Variants in NTN5 observed in about 807,000 individuals in gnomAD.
NTN5 encodes the protein netrin 5.
Under a neutral mutation model 38.7 loss-of-function variants are expected in NTN5, and 42 were observed. That is an observed-to-expected ratio of 1.08 (90% CI 0.85 to 1.40). The LOEUF (loss-of-function observed/expected upper bound fraction) is 1.40, where lower values mean the gene tolerates loss of function less well. Among genes scored for constraint, NTN5 ranks in the 40% most tolerant of loss-of-function variants. The pLI is 0.00. For synonymous variants in NTN5, 329 were observed against 303.9 expected, an observed-to-expected ratio of 1.08 and a Z score of -0.86; for missense variants, 658 against 716.5, an observed-to-expected ratio of 0.92 and a Z score of 0.93.
In NTN5 at chr19:48,661,923, G is replaced by A; in HGVS notation, c.1224C>T (p.Asp408=). 2 of 1,364,980 alleles carry A rather than the reference G, an allele frequency of 1.5e-6. No individual in the cohort carries two copies. The highest frequency in any genetic ancestry group is 1.9e-6 in the Non-Finnish European group (2 of 1,062,642). The allele number at this position is 1,364,980 out of a possible 1,614,324, so 84.6% of individuals were successfully genotyped here. The change falls in exon 7 of 7, where the codon GAC becomes GAT. Residue 408 remains aspartate (D), a synonymous_variant. Transcript: ENST00000270235. Reference sequence around the variant, plus strand: ...TCAGGTCGGCGCGGGGCACCCAGGCGTCCTGGTCGCCGCGTCGCACGGGCT... The same window carrying A: ...TCAGGTCGGCGCGGGGCACCCAGGCATCCTGGTCGCCGCGTCGCACGGGCT... ...RAQPVRRGDQ[D]AWVPRADLTC...
intron 3 of NTN5, 99 bp from the exon 4 acceptor site, chr19:48,664,391 C>T (rs1036954225): frequency 4.3e-4 from 623 of 1,450,162 alleles, no homozygotes; most frequent in Non-Finnish European, 5.6e-4. Context: ...AGTCCAGGCC[C>T]CCAGCCCCTC....
intron 2 of NTN5, among the ~76,000 whole-genome samples, chr19:48,669,733 TC>T (rs2031869353): frequency 4.2e-5 from 2 of 47,644 alleles, no homozygotes; most frequent in African/African-American, 1.0e-4. Context: ...ACCACCACCA[TC>T]ACCATCACCA....
At chr19:48,671,226 T>C (rs1389158753) in intron 1 of NTN5, among the ~76,000 whole-genome samples, 4 of 151,890 alleles carry the variant, frequency 2.6e-5, no homozygotes, top group African/African-American at 9.7e-5. Flanking sequence ...CCTGAACTAA[T>C]CCGTAGCTTA....
At chr19:48,668,956 TCACCACTATCACCACCATCATCAC>T (rs2031776010) in intron 2 of NTN5, among the ~76,000 whole-genome samples, 1 of 140,476 alleles carries the variant, frequency 7.1e-6, no homozygotes, top group Non-Finnish European at 1.6e-5. Context: ...ACCATCATCA[TCACCACTATCACCACCATCATCAC>T]CACTATCACC....
At position 48,664,265 on chromosome 19, in the gene NTN5, G is replaced by C; in HGVS notation, c.848C>G (p.Thr283Arg). The change falls in exon 4 of 7, where the codon ACA (threonine) becomes AGA (arginine). Residue 283 changes from threonine (T) to arginine (R), a missense_variant. Coordinates refer to ENST00000270235, the MANE Select transcript of NTN5 (RefSeq NM_145807.4). Reference sequence around the variant, plus strand: ...ACTGGTCTGGTTGCAGGTTCCTCCTGTTGCCCCAATAGGGTGGCACTGGCA... The same window carrying C: ...ACTGGTCTGGTTGCAGGTTCCTCCTCTTGCCCCAATAGGGTGGCACTGGCA... Reference protein sequence around the residue: ...RACQCHPIGATGGTCNQTSGQ... With the variant: ...RACQCHPIGARGGTCNQTSGQ... 1.2e-6 allele frequency: 2 copies of C among 1,613,202 alleles called. No homozygotes were observed. The highest frequency in any genetic ancestry group is 1.7e-6 in the Non-Finnish European group (2 of 1,179,638).
At chr19:48,667,148 A>G (rs1011249291) in intron 2 of NTN5, among the ~76,000 whole-genome samples, 5 of 152,130 alleles carry the variant, frequency 3.3e-5, no homozygotes, top group African/African-American at 1.2e-4. Flanking sequence ...TATTCAGATG[A>G]TCAGTGAGTT....
At position 48,670,384 on chromosome 19, in the gene NTN5, G is replaced by A; in HGVS notation, c.603C>T (p.Ala201=). 6 of 1,416,744 alleles carry A rather than the reference G, an allele frequency of 4.2e-6. No individual in the cohort carries two copies. Among genetic ancestry groups the A allele is most frequent in the Non-Finnish European group, 5.5e-6 (6 of 1,086,488 alleles). 87.8% of individuals were successfully genotyped at this position (1,416,744 alleles called of 1,614,324 possible). Residue 201 remains alanine (A), a synonymous_variant, in exon 2 of 7, where the codon GCC becomes GCT. Transcript: ENST00000270235. ...PSHRDWPWRP[A]TPRHPHPCLP... ...GGCAAGGGTGGGGGTGCCGGGGCGT[G>A]GCAGGCCGCCAGGGCCAGTCTCGAT...
At position 48,661,934 on chromosome 19, in the gene NTN5, C is replaced by T; in HGVS notation, c.1213G>A (p.Gly405Ser). ...CGGGGCACCCAGGCGTCCTGGTCGCCGCGTCGCACGGGCTGCGCCCGCTGC... is the reference window on the plus strand; with the variant it reads ...CGGGGCACCCAGGCGTCCTGGTCGCTGCGTCGCACGGGCTGCGCCCGCTGC... ...YKQRAQPVRR[G>S]DQDAWVPRAD... Residue 405 changes from glycine to serine, a missense_variant, in exon 7 of 7, where the codon GGC (glycine) becomes AGC (serine). Coordinates refer to ENST00000270235, the MANE Select transcript of NTN5 (RefSeq NM_145807.4). 1.5e-6 allele frequency: 2 copies of T among 1,371,954 alleles called. No individual in the cohort carries two copies. The highest frequency in any genetic ancestry group is 1.9e-6 in the Non-Finnish European group (2 of 1,067,010). 85.0% of individuals were successfully genotyped at this position (1,371,954 alleles called of 1,614,324 possible).
intron 2 of NTN5, among the ~76,000 whole-genome samples, chr19:48,668,968 CCACCATCATCACCACTATCACCAT>C (rs1330085526): frequency 2.1e-5 from 3 of 143,030 alleles, no homozygotes; most frequent in South Asian, 4.4e-4. Context: ...ACCACTATCA[CCACCATCATCACCACTATCACCAT>C]CACCATCATC....
At chr19:48,663,625 C>T in intron 5 of NTN5, 82 bp from the exon 6 acceptor site, 2 of 1,532,808 alleles carry the variant, frequency 1.3e-6, no homozygotes, top group Non-Finnish European at 9.0e-7. Context: ...TCCGTTCCAT[C>T]TTGATGGCCA....
intron 5 of NTN5, 37 bp from the exon 6 acceptor site, chr19:48,663,580 G>T (rs1437776498): frequency 6.3e-7 from 1 of 1,593,992 alleles, no homozygotes. Flanking sequence ...GGGCTCCTGG[G>T]GCCTAGACCA....
At chr19:48,669,700 TCACCATCAC>T (rs1568452434) in intron 2 of NTN5, among the ~76,000 whole-genome samples, 14 of 43,050 alleles carry the variant, frequency 3.3e-4, no homozygotes, top group African/African-American at 4.6e-4. Context: ...ACCACCATCA[TCACCATCAC>T]CACCATCACC....
intron 3 of NTN5, 81 bp downstream of exon 3, chr19:48,664,498 G>A: frequency 1.4e-6 from 2 of 1,412,042 alleles, no homozygotes; most frequent in East Asian, 2.4e-5. Flanking sequence ...AGGAATCCAG[G>A]CCCCCAGCCC....
chr19:48,670,213 A>G, intron 2 of NTN5, 143 bp downstream of exon 2: 1 of 811,318 alleles, frequency 1.2e-6, no homozygotes, highest in Non-Finnish European at 1.8e-6. Context: ...GGGAGGAGGT[A>G]TGAGGGGACC....
chr19:48,669,679 C>T (rs1484170934), intron 2 of NTN5, among the ~76,000 whole-genome samples: 1 of 118,352 alleles, frequency 8.4e-6, no homozygotes, highest in Non-Finnish European at 1.8e-5. Context: ...ACCATCATCA[C>T]CACCATCACC....
chr19:48,670,414 C>G lies in NTN5; in HGVS notation c.573G>C (p.Pro191=). ...GCCGCCAGGGCCAGTCTCGATGGGA[C>G]GGGCGGCAGCTCTCGCACCCCGGGC... ...TTGPGCESCR[P]SHRDWPWRPA... Residue 191 remains proline, a synonymous_variant, in exon 2 of 7, where the codon CCG becomes CCC. Transcript: ENST00000270235. 2 of 1,442,562 alleles carry G rather than the reference C, an allele frequency of 1.4e-6. No homozygotes were observed. The highest frequency in any genetic ancestry group is 1.8e-6 in the Non-Finnish European group (2 of 1,099,788). The allele number at this position is 1,442,562 out of a possible 1,614,324, so 89.4% of individuals were successfully genotyped here.
rs1251167630 is a variant in NTN5, at chr19:48,661,929, G to T, written c.1218C>A (p.Asp406Glu). 1 of 1,368,296 alleles carries T rather than the reference G, an allele frequency of 7.3e-7. No homozygotes were observed. The allele number at this position is 1,368,296 out of a possible 1,614,324, so 84.8% of individuals were successfully genotyped here. A position where few individuals can be genotyped will look rare whatever the true frequency, so the allele number is the denominator to read the frequency against. ...CGGCGCGGGGCACCCAGGCGTCCTG[G>T]TCGCCGCGTCGCACGGGCTGCGCCC... is the stretch of plus-strand genomic sequence containing the variant. ...KQRAQPVRRGDQDAWVPRADL... is the reference protein window; with the variant it reads ...KQRAQPVRRGEQDAWVPRADL... The change falls in exon 7 of 7, where the codon GAC becomes GAA. Residue 406 changes from aspartate to glutamate, a missense_variant. Physicochemically the swap from Asp to Glu is conservative, Grantham distance 45. Transcript: ENST00000270235.
At chr19:48,670,288 T>A in intron 2 of NTN5, 68 bp downstream of exon 2, 1 of 1,352,572 alleles carries the variant, frequency 7.4e-7, no homozygotes, top group Non-Finnish European at 9.6e-7. Flanking sequence ...AACATCCTGC[T>A]CCCGTAGGGA....
Position 48,670,523 on chromosome 19 carries a change from C to A in NTN5, c.464G>T (p.Gly155Val). 1 of 1,488,134 alleles carries A rather than the reference C, an allele frequency of 6.7e-7. No homozygotes were observed. The highest frequency in any genetic ancestry group is 9.0e-7 in the Non-Finnish European group (1 of 1,117,164). 92.2% of individuals were successfully genotyped at this position (1,488,134 alleles called of 1,614,324 possible). The change falls in exon 2 of 7, where the codon GGC (glycine) becomes GTC (valine). Residue 155 changes from glycine (G) to valine (V), a missense_variant. Coordinates refer to ENST00000270235, the MANE Select transcript of NTN5 (RefSeq NM_145807.4). The stretch of plus-strand genomic sequence containing the variant: ...AGCGTGGCCATGACACTGGCAGCGG[C>A]CTCTCAGCCCAGCTGCCGCTAGCCC... ...QAGLAAAGLRGRCQCHGHAAR... is the reference protein window; with the variant it reads ...QAGLAAAGLRVRCQCHGHAAR...
Sources: gnomAD v4.1 joint callset for allele counts (sites outside exome capture counted in the v4.1 genomes callset) on GRCh38, gnomAD v4.1.1 for gene constraint, MANE v1.5 for transcripts, NCBI Gene and HGNC (gene_info 2026-07-23, HGNC 2026-07-21) for gene names.